The following TLL1 variants were observed in gnomAD, a reference collection of about 807,000 sequenced individuals.
TLL1 encodes the protein tolloid-like protein 1.
In TLL1, 49 loss-of-function variants were observed where a neutral mutation model predicts 128.2. That is an observed-to-expected ratio of 0.38 (90% CI 0.30 to 0.48). The LOEUF (loss-of-function observed/expected upper bound fraction) is 0.48. Ranked by LOEUF, TLL1 falls within the 20% of genes least tolerant of loss-of-function variation. TLL1 has a pLI of 0.96. For missense variants in TLL1, 1,123 were observed against 1,242.0 expected, an observed-to-expected ratio of 0.90 and a Z score of 1.44; for synonymous variants, 454 against 418.8, an observed-to-expected ratio of 1.08 and a Z score of -1.03.
chr4:165,957,943 G>A lies in TLL1; in HGVS notation c.170-31438G>A, dbSNP rs994162065. 2.8e-5 allele frequency among the ~76,000 whole-genome samples: 4 copies of A among 143,932 alleles called. No homozygotes were observed. In the East Asian group the frequency reaches 6.3e-4, roughly 23 times the overall value. The allele number at this position is 143,932 out of a possible 152,430, so 94.4% of individuals were successfully genotyped here. A position where few individuals can be genotyped will look rare whatever the true frequency, so the allele number is the denominator to read the frequency against. ...TTCTCATTGTTCAATTCCCATCTATGAGTGAGAACATGCGGTGTTTGGTTT... is the reference window on the plus strand; with the variant it reads ...TTCTCATTGTTCAATTCCCATCTATAAGTGAGAACATGCGGTGTTTGGTTT... On this transcript the variant is annotated intron_variant, in intron 1 of 20. Coordinates refer to ENST00000061240, the MANE Select transcript of TLL1 (RefSeq NM_012464.5).
chr4:166,064,954 G>A (rs931027452), intron 15 of TLL1, among the ~76,000 whole-genome samples: 1 of 152,048 alleles, frequency 6.6e-6, no homozygotes, highest in Non-Finnish European at 1.5e-5. Context: ...GGTCATTCAT[G>A]CAAGATTTGT....
chr4:165,973,794 C>A (rs897424229), intron 1 of TLL1, among the ~76,000 whole-genome samples: 5 of 151,708 alleles, frequency 3.3e-5, no homozygotes, highest in African/African-American at 1.2e-4. Flanking sequence ...GCCTTCCAAG[C>A]AACTGGAAAT....
chr4:166,095,704 A>G (rs1741985813), intron 19 of TLL1, among the ~76,000 whole-genome samples: 2 of 152,140 alleles, frequency 1.3e-5, no homozygotes, highest in Admixed American at 1.3e-4. Context: ...ACCAGGAAAT[A>G]AACAAACCTG....
In TLL1 at chr4:166,020,531, T is replaced by C. The variant is rs1007121008; in HGVS notation, c.1043-4785T>C. On this transcript the variant is annotated intron_variant, in intron 8 of 20. Transcript: ENST00000061240. ...TTGATTTGTTCTCAGATTTTCTCTC[T>C]TTTGGGGTCCCCTTTTTCTATGATT... Among the ~76,000 whole-genome samples, 7 of 152,190 alleles carry C rather than the reference T, an allele frequency of 4.6e-5. No individual in the cohort carries two copies. The South Asian group carries it at 1.4e-3, about 31-fold the overall frequency.
chr4:166,056,982 T>A (rs1242698863), intron 13 of TLL1, among the ~76,000 whole-genome samples: 2 of 152,074 alleles, frequency 1.3e-5, no homozygotes, highest in Non-Finnish European at 2.9e-5. Context: ...ATTTACGCCC[T>A]CATATATATA....
In TLL1 at chr4:166,025,316, C is replaced by A. The variant is rs779918854; in HGVS notation, c.1043C>A (p.Ala348Glu). ...ATCTTATATATTTTTTTCCTTTCAG[C>A]ATGTGGAGAAACTCTACAAGAATCC... ...AQARKLYRCP[A>E]CGETLQESNG... Residue 348 changes from alanine to glutamate, a missense_variant and splice_region_variant, in exon 9 of 21, where the codon GCA becomes GAA. Ala to Glu is a moderately radical substitution (Grantham distance 107, BLOSUM62 -1). This residue lies in a region of TLL1 where 480 missense variants were observed against 542.4 expected (regional missense o/e 0.89). Transcript: ENST00000061240. The A allele has an allele frequency of 1.2e-6, 2 of 1,602,934 alleles. No individual in the cohort carries two copies. Among genetic ancestry groups the A allele is most frequent in the Non-Finnish European group, 1.7e-6 (2 of 1,170,000 alleles).
intron 15 of TLL1, among the ~76,000 whole-genome samples, chr4:166,060,898 G>A (rs1276302757): frequency 6.6e-6 from 1 of 152,150 alleles, no homozygotes; most frequent in African/African-American, 2.4e-5. Flanking sequence ...AATTCCAGAG[G>A]AAAGGTTATA....
chr4:165,912,790 T>TA (rs1199325828), intron 1 of TLL1, among the ~76,000 whole-genome samples: 1 of 151,958 alleles, frequency 6.6e-6, no homozygotes, highest in Non-Finnish European at 1.5e-5. Flanking sequence ...TCTATTCCCT[T>TA]AAAAAAAGTA....
intron 18 of TLL1, among the ~76,000 whole-genome samples, chr4:166,088,226 G>T (rs112658961): frequency 1.3e-5 from 2 of 152,072 alleles, no homozygotes; most frequent in African/African-American, 4.8e-5. Flanking sequence ...CATTTCTGCG[G>T]CATTGGTTCC....
intron 19 of TLL1, among the ~76,000 whole-genome samples, chr4:166,098,975 G>T (rs1179249594): frequency 6.6e-6 from 1 of 151,944 alleles, no homozygotes; most frequent in Non-Finnish European, 1.5e-5. Flanking sequence ...ACTAAAATTG[G>T]TACCATTATT....
At chr4:165,966,965 CT>C (rs1735412617) in intron 1 of TLL1, among the ~76,000 whole-genome samples, 1 of 152,160 alleles carries the variant, frequency 6.6e-6, no homozygotes, top group East Asian at 1.9e-4. Flanking sequence ...CCTAACAGGC[CT>C]GGGGGCGCTA....
chr4:166,040,263 G>C (rs1739185989), intron 10 of TLL1, among the ~76,000 whole-genome samples: 1 of 152,142 alleles, frequency 6.6e-6, no homozygotes, highest in African/African-American at 2.4e-5. Context: ...TATTAAAAGT[G>C]ACAGCAGCCA....
intron 14 of TLL1, 122 bp downstream of exon 14, chr4:166,057,431 G>T (rs1740075792): frequency 7.2e-7 from 1 of 1,396,984 alleles, no homozygotes; most frequent in Non-Finnish European, 9.8e-7. Flanking sequence ...TCCTCAATTA[G>T]TAAGACTCAA....
At chr4:165,987,952 T>C (rs1736462195) in intron 1 of TLL1, among the ~76,000 whole-genome samples, 1 of 152,124 alleles carries the variant, frequency 6.6e-6, no homozygotes, top group Non-Finnish European at 1.5e-5. Context: ...TCTTTTCCTT[T>C]TGGTTTCACA....
At chr4:165,991,895 G>T (rs746128759) in intron 2 of TLL1, among the ~76,000 whole-genome samples, 4 of 151,896 alleles carry the variant, frequency 2.6e-5, no homozygotes, top group Non-Finnish European at 5.9e-5. Flanking sequence ...TTGGTTGTTT[G>T]CTGAATGATA....
At chr4:166,052,166 TCTTC>T (rs1353517419) in intron 12 of TLL1, among the ~76,000 whole-genome samples, 6 of 152,200 alleles carry the variant, frequency 3.9e-5, no homozygotes, top group Non-Finnish European at 1.5e-5. Context: ...AACTATGTTG[TCTTC>T]CTTGTTTGTA....
intron 5 of TLL1, among the ~76,000 whole-genome samples, chr4:166,001,926 A>G (rs1283867217): frequency 6.6e-6 from 1 of 152,188 alleles, no homozygotes; most frequent in Non-Finnish European, 1.5e-5. Flanking sequence ...AGATGATGAA[A>G]TAAAAAATCA....
rs1351309931 is a variant in TLL1 at position 166,065,739 on chromosome 4, G to A, written c.2064G>A (p.Leu688=). The change falls in exon 16 of 21, where the codon CTG becomes CTA. Residue 688 remains leucine, a synonymous_variant. Transcript: ENST00000061240. ...GTGGTCTTTCCTCTGAGTCTAAACT[G>A]CATGGCAAATTCTGTGGCGCTGAAG... ...IWSGLSSESK[L]HGKFCGAEVP... is the part of the protein sequence containing the mutation. The A allele has an allele frequency of 1.2e-6, 2 of 1,613,090 alleles. No homozygotes were observed. Among genetic ancestry groups the A allele is most frequent in the Non-Finnish European group, 8.5e-7 (1 of 1,179,398 alleles).
intron 5 of TLL1, among the ~76,000 whole-genome samples, chr4:165,998,796 T>TAAA (rs1560800630): frequency 1.3e-5 from 2 of 149,198 alleles, no homozygotes; most frequent in African/African-American, 5.0e-5. Flanking sequence ...GACTCTGTCT[T>TAAA]CAAAAAAAAA....
Sources: gnomAD v4.1 joint callset for allele counts (sites outside exome capture counted in the v4.1 genomes callset) on GRCh38, gnomAD v4.1.1 for gene constraint, gnomAD v4.1.1 regional missense constraint, MANE v1.5 for transcripts, NCBI Gene and HGNC (gene_info 2026-07-23, HGNC 2026-07-21) for gene names.